The following CTDSPL variants were observed in gnomAD, a reference collection of about 807,000 sequenced individuals.
CTDSPL encodes CTD small phosphatase-like protein.
In CTDSPL, 8 loss-of-function variants were observed where a neutral mutation model predicts 30.5. That is an observed-to-expected ratio of 0.26 (90% CI 0.15 to 0.47). CTDSPL has a LOEUF of 0.47. CTDSPL is among the 20% of genes least tolerant of loss of function. CTDSPL has a pLI of 0.99. For synonymous variants in CTDSPL, 110 were observed against 137.9 expected (o/e 0.80, Z 1.42); for missense variants, 248 against 366.1 (o/e 0.68, Z 2.63).
intron 1 of CTDSPL, among the ~76,000 whole-genome samples, chr3:37,945,167 G>T (rs1231227444): frequency 6.7e-6 from 1 of 150,098 alleles, no homozygotes; most frequent in East Asian, 1.9e-4. Flanking sequence ...AATTATCTGG[G>T]TGTGGCATAA....
At chr3:37,978,305 C>G (rs1038512677) in intron 7 of CTDSPL, among the ~76,000 whole-genome samples, 2 of 152,122 alleles carry the variant, frequency 1.3e-5, no homozygotes, top group Admixed American at 6.5e-5. Context: ...ACACTAATAA[C>G]AAGTCTTTGA....
chr3:37,875,610 G>C (rs978429687), intron 1 of CTDSPL, among the ~76,000 whole-genome samples: 2 of 152,160 alleles, frequency 1.3e-5, no homozygotes, highest in African/African-American at 4.8e-5. Flanking sequence ...CTTTCTCTCT[G>C]TATTCTGATC....
intron 2 of CTDSPL, among the ~76,000 whole-genome samples, chr3:37,955,514 A>G (rs1159867695): frequency 6.6e-6 from 1 of 152,222 alleles, no homozygotes; most frequent in Non-Finnish European, 1.5e-5. Flanking sequence ...ATGCAGCCGT[A>G]AAAAAGAAGA....
At chr3:37,888,058 AG>A (rs1374442779) in intron 1 of CTDSPL, among the ~76,000 whole-genome samples, 6 of 152,288 alleles carry the variant, frequency 3.9e-5, no homozygotes, top group Non-Finnish European at 7.4e-5. Context: ...TGAGTGTTGG[AG>A]TGAAGGCTGT....
Position 37,897,210 on chromosome 3 carries a change from ATGT to A in CTDSPL, c.79+34937_79+34939del, listed in dbSNP as rs571154640. On this transcript the variant is annotated intron_variant, in intron 1 of 7. Transcript: ENST00000273179. ...ACTCATGAGCTGTTGCTGTGTGGTG[ATGT>A]TGTTTTTCACAGCTGTAACATTTTA... Among the ~76,000 whole-genome samples, 17 of 152,204 alleles carry A rather than the reference ATGT, an allele frequency of 1.1e-4. 1 individual carries two copies. The South Asian group carries it at 3.1e-3, about 28-fold the overall frequency.
intron 7 of CTDSPL, among the ~76,000 whole-genome samples, chr3:37,977,115 G>A (rs1241560797): frequency 6.6e-6 from 1 of 152,200 alleles, no homozygotes; most frequent in African/African-American, 2.4e-5. Flanking sequence ...CTATGTAAAT[G>A]TGTTCATTTT....
intron 1 of CTDSPL, among the ~76,000 whole-genome samples, chr3:37,881,925 A>G (rs2125592606): frequency 6.6e-6 from 1 of 152,332 alleles, no homozygotes; most frequent in South Asian, 2.1e-4. Flanking sequence ...TTCTTGAAAT[A>G]AATATACCAA....
chr3:37,940,641 C>G lies in CTDSPL; in HGVS notation c.80-6416C>G, dbSNP rs113572849. On this transcript the variant is annotated intron_variant, in intron 1 of 7. Coordinates refer to ENST00000273179, the MANE Select transcript of CTDSPL (RefSeq NM_001008392.2). ...CCCTTCCAATAGGGCTTGCATGAATCCTTGCAGAGTCTTTGGTCCAGGGTG... is the reference window on the plus strand; with the variant it reads ...CCCTTCCAATAGGGCTTGCATGAATGCTTGCAGAGTCTTTGGTCCAGGGTG... Among the ~76,000 whole-genome samples, 147 of 150,608 alleles carry G rather than the reference C, an allele frequency of 9.8e-4. 1 individual carries two copies. The highest frequency in any genetic ancestry group is 3.5e-3 in the African/African-American group (143 of 41,420).
At chr3:37,911,179 G>A (rs886194037) in intron 1 of CTDSPL, among the ~76,000 whole-genome samples, 3 of 152,202 alleles carry the variant, frequency 2.0e-5, no homozygotes, top group African/African-American at 7.2e-5. Context: ...GTTTATTGCT[G>A]TACTCAGGAA....
intron 5 of CTDSPL, among the ~76,000 whole-genome samples, chr3:37,970,488 A>C (rs1699354506): frequency 6.6e-6 from 1 of 152,188 alleles, no homozygotes; most frequent in Non-Finnish European, 1.5e-5. Context: ...GATTTATTTT[A>C]GTGAAGTGGC....
intron 1 of CTDSPL, among the ~76,000 whole-genome samples, chr3:37,936,561 CATTCCAGAG>C (rs1054608290): frequency 1.3e-5 from 2 of 149,922 alleles, no homozygotes; most frequent in Non-Finnish European, 2.9e-5. Flanking sequence ...CCCTGGGATG[CATTCCAGAG>C]ATTACGGCCC....
At chr3:37,881,781 A>T (rs1698207583) in intron 1 of CTDSPL, among the ~76,000 whole-genome samples, 2 of 152,320 alleles carry the variant, frequency 1.3e-5, no homozygotes, top group South Asian at 2.1e-4. Flanking sequence ...TGAAAAAAAA[A>T]ATGTTTACGC....
chr3:37,891,225 C>T (rs57481091), intron 1 of CTDSPL, among the ~76,000 whole-genome samples: 3,342 of 152,276 alleles, frequency 0.022, 117 homozygotes, highest in African/African-American at 0.074. Flanking sequence ...ACATCACCAC[C>T]GCTGACCTAC....
chr3:37,980,871 T>C lies in CTDSPL; in HGVS notation c.*4T>C, dbSNP rs1306577403. 1 of 1,613,390 alleles carries C rather than the reference T, an allele frequency of 6.2e-7. No homozygotes were observed. The highest frequency in any genetic ancestry group is 1.1e-5 in the South Asian group (1 of 91,042). On this transcript the variant is annotated 3_prime_UTR_variant, in exon 8 of 8. Transcript: ENST00000273179. ...GCACAGACTCTGCAATAGGTAGCCC[T>C]GGCCTCTGCCTGCCTCCCGCCTGTG...
intron 1 of CTDSPL, among the ~76,000 whole-genome samples, chr3:37,913,035 A>G (rs1698600991): frequency 6.6e-6 from 1 of 152,168 alleles, no homozygotes; most frequent in Non-Finnish European, 1.5e-5. Flanking sequence ...GAAAAACAGT[A>G]TTTGGCCAGA....
At position 37,862,182 on chromosome 3, in the gene CTDSPL, C is replaced by CCGCCG. The variant is rs1410247033; in HGVS notation, c.-9_-5dup. 11 of 1,158,994 alleles carry CCGCCG rather than the reference C, an allele frequency of 9.5e-6. No homozygotes were observed. Among genetic ancestry groups the CCGCCG allele is most frequent in the Admixed American group, 4.8e-5 (1 of 21,018 alleles). 71.8% of individuals were successfully genotyped at this position (1,158,994 alleles called of 1,614,324 possible). On this transcript the variant is annotated 5_prime_UTR_variant, in exon 1 of 8. Transcript: ENST00000273179. This position sits in a 1 kb window ranked among gnomAD's most constrained non-coding sequence, Gnocchi z 4.3. ...TGCGGGGGGCCGGGCCTGCGGGCGG[C>CCGCCG]CGCCGCGCCGCGCACCCATGGACGG...
chr3:37,865,507 A>G (rs1697998994), intron 1 of CTDSPL, among the ~76,000 whole-genome samples: 1 of 152,230 alleles, frequency 6.6e-6, no homozygotes, highest in Non-Finnish European at 1.5e-5. Flanking sequence ...CAGAGTTTTT[A>G]GAGAGTAATT....
At chr3:37,978,773 T>A (rs1258523866) in intron 7 of CTDSPL, among the ~76,000 whole-genome samples, 1 of 152,196 alleles carries the variant, frequency 6.6e-6, no homozygotes, top group Non-Finnish European at 1.5e-5. Context: ...TTTTGTATGG[T>A]GCCTGGTCCC....
chr3:37,937,599 A>G lies in CTDSPL; in HGVS notation c.80-9458A>G, dbSNP rs189844589. 2.0e-5 allele frequency among the ~76,000 whole-genome samples: 3 copies of G among 150,604 alleles called. No individual in the cohort carries two copies. In the Admixed American group the frequency reaches 2.0e-4, roughly 10 times the overall value. ...CCAAATAAACTTCTTTTCTTTATAAATTACCCAGTTTCAAGTATTCTGTTA... is the reference window on the plus strand; with the variant it reads ...CCAAATAAACTTCTTTTCTTTATAAGTTACCCAGTTTCAAGTATTCTGTTA... On this transcript the variant is annotated intron_variant, in intron 1 of 7. Transcript: ENST00000273179.
Sources: allele counts gnomAD v4.1 joint callset (sites outside exome capture counted in the v4.1 genomes callset), GRCh38; gene constraint gnomAD v4.1.1; non-coding constraint Gnocchi (gnomAD v3.1); transcripts MANE v1.5; gene names NCBI Gene and HGNC (gene_info 2026-07-23, HGNC 2026-07-21).